Variants in ZFP2 observed in about 807,000 individuals in gnomAD.
The protein encoded by ZFP2 is ZFP2 zinc finger protein.
A neutral mutation model predicts 36.1 loss-of-function variants in ZFP2; 33 were observed. The ratio of observed to expected loss-of-function variants is 0.92; its 90% CI spans 0.69 to 1.22. The LOEUF (loss-of-function observed/expected upper bound fraction) is 1.22. ZFP2 is among the 50% of genes most tolerant of loss of function. The probability of loss-of-function intolerance (pLI) is 0.00; values close to 1 mark genes in which losing one functional copy is unlikely to be tolerated. For missense variants in ZFP2, 522 were observed against 551.4 expected (o/e 0.95, Z 0.53); for synonymous variants, 170 against 178.0 (o/e 0.96, Z 0.36).
chr5:178,913,733 C>T (rs1419665937), intron 3 of ZFP2: 1 of 151,226 alleles, frequency 6.6e-6, no homozygotes, highest in African/African-American at 2.4e-5. Flanking sequence ...GTTTCTAATC[C>T]TTATCACAAC....
At chr5:178,923,748 C>CTTTTT (rs75564560) in intron 4 of ZFP2, among the ~76,000 whole-genome samples, 1 of 140,048 alleles carries the variant, frequency 7.1e-6, no homozygotes, top group Non-Finnish European at 1.6e-5. Context: ...TGTAGGTAAT[C>CTTTTT]TTTTTTTTTT....
At chr5:178,898,075 A>G (rs1453356047) in intron 1 of ZFP2, among the ~76,000 whole-genome samples, 2 of 151,500 alleles carry the variant, frequency 1.3e-5, no homozygotes, top group African/African-American at 4.9e-5. Flanking sequence ...TGCAACCTCT[A>G]CCTCCCCGGT....
chr5:178,896,627 C>T (rs555337143), intron 1 of ZFP2, among the ~76,000 whole-genome samples: 1 of 152,108 alleles, frequency 6.6e-6, no homozygotes, highest in Non-Finnish European at 1.5e-5. Flanking sequence ...TTTCCTTAAG[C>T]GATTTCACTG....
chr5:178,928,966 C>G (rs969390129), intron 4 of ZFP2, among the ~76,000 whole-genome samples: 4 of 152,250 alleles, frequency 2.6e-5, no homozygotes, highest in Admixed American at 6.5e-5. Flanking sequence ...TACCCACAGG[C>G]TTTATATACC....
intron 1 of ZFP2, among the ~76,000 whole-genome samples, chr5:178,905,535 G>C (rs1367296610): frequency 6.6e-6 from 1 of 152,070 alleles, no homozygotes; most frequent in East Asian, 1.9e-4. Context: ...AACAATAACT[G>C]TATCAAAAAG....
intron 4 of ZFP2, among the ~76,000 whole-genome samples, chr5:178,930,994 GC>G (rs1758815530): frequency 1.3e-5 from 2 of 152,220 alleles, no homozygotes; most frequent in Admixed American, 1.3e-4. Flanking sequence ...TCTTTTCTCT[GC>G]TTATGCAGTA....
chr5:178,932,255 AGAAC>A lies in ZFP2; in HGVS notation c.943_946del (p.Glu315IlefsTer8), dbSNP rs1169570323. ...CCTTTAGCCAAAGTACATATCTTAT[AGAAC>A]ATCAGAGACTTCATTCTGGAGTAAA... On this transcript the variant is annotated frameshift_variant, in exon 5 of 5. Transcript: ENST00000361362. LOFTEE classifies it high-confidence loss of function. 6.2e-7 allele frequency: 1 copy of A among 1,614,100 alleles called. No individual in the cohort carries two copies. The highest frequency in any genetic ancestry group is 1.3e-5 in the African/African-American group (1 of 74,944).
In ZFP2 at chr5:178,910,223, C is replaced by A. The variant is rs1050549290; in HGVS notation, c.-449-2361C>A. 1.5e-5 allele frequency: 23 copies of A among 1,580,654 alleles called. No individual in the cohort carries two copies. The Admixed American group carries it at 3.8e-4, about 26-fold the overall frequency. On this transcript the variant is annotated intron_variant, in intron 1 of 4. Transcript: ENST00000361362. ...TGCACATGGTTGCAGCCTGGAACTT[C>A]CAAGCCAAGAGCAGCACTCGGAATT...
At chr5:178,917,245 A>T (rs1007622594) in intron 4 of ZFP2, among the ~76,000 whole-genome samples, 2 of 152,198 alleles carry the variant, frequency 1.3e-5, no homozygotes, top group African/African-American at 4.8e-5. Context: ...GGATTCTATA[A>T]TCTTTTTAGC....
chr5:178,924,157 A>G (rs1004112702), intron 4 of ZFP2, among the ~76,000 whole-genome samples: 4 of 148,548 alleles, frequency 2.7e-5, no homozygotes, highest in Admixed American at 1.3e-4. Flanking sequence ...GCGGATCACG[A>G]GGTCAGGAGA....
At chr5:178,914,701 A>G (rs1758381488) in intron 3 of ZFP2, among the ~76,000 whole-genome samples, 2 of 152,166 alleles carry the variant, frequency 1.3e-5, no homozygotes, top group South Asian at 4.1e-4. Flanking sequence ...AAGGGAGGAA[A>G]TGAATATAAC....
chr5:178,931,426 A>G lies in ZFP2; in HGVS notation c.113A>G (p.Glu38Gly). Residue 38 changes from glutamate to glycine, a missense_variant, in exon 5 of 5, where the codon GAA becomes GGA. Transcript: ENST00000361362. The stretch of plus-strand genomic sequence containing the variant: ...AGCCAAGTGGGAGTTACCCATAAGG[A>G]AACCTTCACTGAGATGAGAGTATGT... ...HLSQVGVTHKETFTEMRVCGG... is the reference protein window; with the variant it reads ...HLSQVGVTHKGTFTEMRVCGG... The G allele has an allele frequency of 6.2e-7, 1 of 1,614,158 alleles. No homozygotes were observed. The highest frequency in any genetic ancestry group is 1.6e-4 in the Middle Eastern group (1 of 6,062).
At chr5:178,905,743 T>C (rs1252481833) in intron 1 of ZFP2, among the ~76,000 whole-genome samples, 1 of 150,294 alleles carries the variant, frequency 6.7e-6, no homozygotes, top group African/African-American at 2.4e-5. Flanking sequence ...TTCACTTTCT[T>C]TTTTTTTTTC....
rs772251290 is a variant in ZFP2, at chr5:178,932,423, C to T, written c.1110C>T (p.Thr370=). The change falls in exon 5 of 5, where the codon ACC becomes ACT. Residue 370 remains threonine, a synonymous_variant. Transcript: ENST00000361362. The part of the protein sequence containing the change: ...GKHFTGRSSL[T]VHQVIHTGEK... ...ATTTCACTGGACGATCATCCCTTAC[C>T]GTGCATCAGGTCATTCACACTGGAG... 19 of 1,613,686 alleles carry T rather than the reference C, an allele frequency of 1.2e-5. No homozygotes were observed. Among genetic ancestry groups the T allele is most frequent in the African/African-American group, 4.0e-5 (3 of 74,828 alleles).
chr5:178,922,901 G>C (rs1758589810), intron 4 of ZFP2, among the ~76,000 whole-genome samples: 1 of 148,996 alleles, frequency 6.7e-6, no homozygotes, highest in Admixed American at 6.7e-5. Context: ...TTGAAATAAA[G>C]TATTTATAAT....
chr5:178,917,628 A>T (rs773520934), intron 4 of ZFP2, among the ~76,000 whole-genome samples: 63 of 151,950 alleles, frequency 4.1e-4, no homozygotes, highest in South Asian at 1.9e-3. Context: ...AAAAAAAAAA[A>T]TTTTCAGAGA....
At position 178,926,193 on chromosome 5, in the gene ZFP2, T is replaced by A. The variant is rs1441148010; in HGVS notation, c.-77-5044T>A. 7.8e-5 allele frequency among the ~76,000 whole-genome samples: 10 copies of A among 127,834 alleles called. 1 individual carries two copies. Among genetic ancestry groups the A allele is most frequent in the Non-Finnish European group, 1.7e-4 (9 of 52,472 alleles). The allele number at this position is 127,834 out of a possible 152,430, so 83.9% of individuals were successfully genotyped here. ...CTTTTGATGACTAGAAGCACTTAAT[T>A]TTCTCCCAACATTTTTCTTTCTTCT... On this transcript the variant is annotated intron_variant, in intron 4 of 4. Transcript: ENST00000361362.
At chr5:178,898,284 C>A (rs1757982384) in intron 1 of ZFP2, among the ~76,000 whole-genome samples, 2 of 152,166 alleles carry the variant, frequency 1.3e-5, no homozygotes, top group African/African-American at 4.8e-5. Flanking sequence ...CCGCGCATGG[C>A]CCATATTAAC....
At chr5:178,930,596 C>T (rs559002691) in intron 4 of ZFP2, among the ~76,000 whole-genome samples, 6 of 152,206 alleles carry the variant, frequency 3.9e-5, no homozygotes, top group South Asian at 2.1e-4. Flanking sequence ...GCTGAGATTA[C>T]GGCCATGAGC....
Sources: allele counts gnomAD v4.1 joint callset (sites outside exome capture counted in the v4.1 genomes callset), GRCh38; gene constraint gnomAD v4.1.1; transcripts MANE v1.5; gene names NCBI Gene and HGNC (gene_info 2026-07-23, HGNC 2026-07-21).